Variants in NRG3 observed in about 807,000 individuals in gnomAD.
NRG3 encodes the protein pro-neuregulin-3, membrane-bound isoform.
A neutral mutation model predicts 66.9 loss-of-function variants in NRG3; 31 were observed. The ratio of observed to expected loss-of-function variants is 0.46; its 90% CI spans 0.35 to 0.63. The LOEUF is 0.63. Ranked by LOEUF, NRG3 falls within the 20% of genes least tolerant of loss-of-function variation. The pLI is 0.00. For missense variants in NRG3, 910 were observed against 878.9 expected, an observed-to-expected ratio of 1.04 and a Z score of -0.45; for synonymous variants, 393 against 359.4, an observed-to-expected ratio of 1.09 and a Z score of -1.06.
At chr10:82,505,406 T>C (rs1844575458) in intron 2 of NRG3, among the ~76,000 whole-genome samples, 1 of 152,232 alleles carries the variant, frequency 6.6e-6, no homozygotes, top group Admixed American at 6.5e-5. Context: ...TTGAGAAGTA[T>C]TTCAGTGTTT....
intron 2 of NRG3, among the ~76,000 whole-genome samples, chr10:82,733,490 C>G (rs540834464): frequency 6.6e-6 from 1 of 152,294 alleles, no homozygotes; most frequent in Admixed American, 6.5e-5. Context: ...TCTTAATCAT[C>G]ATGATATTAA....
In NRG3 at chr10:82,320,660, G is replaced by T. The variant is rs116557271; in HGVS notation, c.824-38079G>T. Among the ~76,000 whole-genome samples the T allele has an allele frequency of 3.1e-3, 468 of 152,240 alleles. 2 individuals are homozygous for T. Among genetic ancestry groups the T allele is most frequent in the African/African-American group, 0.011 (449 of 41,552 alleles). On this transcript the variant is annotated intron_variant, in intron 1 of 8. Coordinates refer to ENST00000372141, the MANE Select transcript of NRG3 (RefSeq NM_001010848.4). ...GGTATGTACACTAGCCAGAAACAGG[G>T]TAGCAGGTCTGGGGTAGAGACAGAG...
intron 3 of NRG3, among the ~76,000 whole-genome samples, chr10:82,827,498 G>A (rs957545071): frequency 6.6e-6 from 1 of 152,156 alleles, no homozygotes; most frequent in Non-Finnish European, 1.5e-5. Flanking sequence ...GCCCCAGGGA[G>A]AGGTCCTGGA....
At chr10:82,767,095 T>C (rs2059544675) in intron 3 of NRG3, among the ~76,000 whole-genome samples, 1 of 151,374 alleles carries the variant, frequency 6.6e-6, no homozygotes, top group African/African-American at 2.4e-5. Flanking sequence ...TAAAATCAAG[T>C]ATGAAATTTT....
intron 1 of NRG3, among the ~76,000 whole-genome samples, chr10:82,010,592 A>G (rs923037394): frequency 2.6e-5 from 4 of 152,176 alleles, no homozygotes; most frequent in African/African-American, 9.7e-5. Flanking sequence ...TACTGCCTAA[A>G]AAGTTTTCCC....
rs1188081782 is a variant in NRG3 at position 81,982,956 on chromosome 10, T to G, written c.823+106793T>G. Reference sequence around the variant, plus strand: ...AGCATAGCTTTAGCCCATGTAACACTGTTGTATATCATCACTGTGAAAGGA... The same window carrying G: ...AGCATAGCTTTAGCCCATGTAACACGGTTGTATATCATCACTGTGAAAGGA... On this transcript the variant is annotated intron_variant, in intron 1 of 8. Coordinates refer to ENST00000372141, the MANE Select transcript of NRG3 (RefSeq NM_001010848.4). 1.3e-5 allele frequency among the ~76,000 whole-genome samples: 2 copies of G among 152,228 alleles called. 1 individual carries two copies. Among genetic ancestry groups the G allele is most frequent in the Admixed American group, 1.3e-4 (2 of 15,276 alleles).
intron 1 of NRG3, among the ~76,000 whole-genome samples, chr10:81,890,986 T>G (rs1000395094): frequency 6.6e-6 from 1 of 152,180 alleles, no homozygotes; most frequent in Non-Finnish European, 1.5e-5. Flanking sequence ...CCTCCAGATA[T>G]CAGCTACAAG....
intron 2 of NRG3, among the ~76,000 whole-genome samples, chr10:82,433,788 G>C (rs1184911767): frequency 6.6e-6 from 1 of 152,096 alleles, no homozygotes; most frequent in Non-Finnish European, 1.5e-5. Context: ...TGAGGTCTCT[G>C]TTCTACTTCA....
chr10:82,671,398 G>C (rs1464682744), intron 2 of NRG3, among the ~76,000 whole-genome samples: 1 of 152,168 alleles, frequency 6.6e-6, no homozygotes. Context: ...TCAGAAACTG[G>C]CTAAAGCAAG....
At chr10:82,759,333 G>C (rs1362340179) in intron 3 of NRG3, among the ~76,000 whole-genome samples, 1 of 151,994 alleles carries the variant, frequency 6.6e-6, no homozygotes, top group East Asian at 1.9e-4. Flanking sequence ...CCAGTCACCA[G>C]AATTGTTAGC....
At chr10:82,738,380 G>A (rs1484859266) in intron 2 of NRG3, among the ~76,000 whole-genome samples, 197 bp from the exon 3 acceptor site, 4 of 152,174 alleles carry the variant, frequency 2.6e-5, no homozygotes, top group Non-Finnish European at 5.9e-5. Flanking sequence ...AAGCTACATT[G>A]TTGGCTTTCT....
At chr10:82,817,632 G>A (rs746819894) in intron 3 of NRG3, among the ~76,000 whole-genome samples, 14 of 152,198 alleles carry the variant, frequency 9.2e-5, no homozygotes, top group Non-Finnish European at 2.1e-4. Context: ...CCAAAACACC[G>A]AATAAAGATG....
rs1049140216 is a variant in NRG3, at chr10:82,570,769, G to A, written c.954-167808G>A. On this transcript the variant is annotated intron_variant, in intron 2 of 8. Transcript: ENST00000372141. The stretch of plus-strand genomic sequence containing the variant: ...ATAGGGCTTGACAGAAGAAGCTTCC[G>A]CTTCTGATCTCTGATTTTCTGGAGG... Among the ~76,000 whole-genome samples, 18 of 151,654 alleles carry A rather than the reference G, an allele frequency of 1.2e-4. No homozygotes were observed. The South Asian group carries it at 2.7e-3, about 23-fold the overall frequency.
At chr10:82,553,971 TAAC>T (rs919455091) in intron 2 of NRG3, among the ~76,000 whole-genome samples, 4 of 152,176 alleles carry the variant, frequency 2.6e-5, no homozygotes, top group African/African-American at 9.6e-5. Context: ...TTGCCTCAAA[TAAC>T]AACACAGATT....
chr10:81,998,219 T>C (rs2061020023), intron 1 of NRG3, among the ~76,000 whole-genome samples: 1 of 152,240 alleles, frequency 6.6e-6, no homozygotes, highest in Admixed American at 6.5e-5. Flanking sequence ...ACTTGTGTCT[T>C]CTGCTTATCA....
chr10:82,005,297 T>C (rs1312706337), intron 1 of NRG3, among the ~76,000 whole-genome samples: 1 of 152,222 alleles, frequency 6.6e-6, no homozygotes, highest in African/African-American at 2.4e-5. Flanking sequence ...GATTCTAGTG[T>C]GTTCTGAAAT....
chr10:82,591,790 C>T (rs1402787972), intron 2 of NRG3, among the ~76,000 whole-genome samples: 1 of 152,140 alleles, frequency 6.6e-6, no homozygotes, highest in African/African-American at 2.4e-5. Flanking sequence ...TTACTTAGGC[C>T]TTTGTGAGTT....
At chr10:82,676,173 C>T (rs1244521791) in intron 2 of NRG3, among the ~76,000 whole-genome samples, 1 of 152,012 alleles carries the variant, frequency 6.6e-6, no homozygotes, top group Non-Finnish European at 1.5e-5. Context: ...TTATAGGAAT[C>T]AACAGAAAAA....
chr10:81,884,459 G>A (rs1589344698), intron 1 of NRG3, among the ~76,000 whole-genome samples: 1 of 152,248 alleles, frequency 6.6e-6, no homozygotes, highest in East Asian at 1.9e-4. Flanking sequence ...TAATTGATAT[G>A]CAATGTGCTC....
Sources: allele counts gnomAD v4.1 joint callset (sites outside exome capture counted in the v4.1 genomes callset), GRCh38; gene constraint gnomAD v4.1.1; transcripts MANE v1.5; gene names NCBI Gene and HGNC (gene_info 2026-07-23, HGNC 2026-07-21).